The following N4BP2 variants were observed in gnomAD, a reference collection of about 807,000 sequenced individuals.
N4BP2 encodes the protein NEDD4 binding protein 2, also known as NEDD4-binding protein 2.
A neutral mutation model predicts 152.8 loss-of-function variants in N4BP2; 91 were observed. That is an observed-to-expected ratio of 0.60 (90% CI 0.50 to 0.71). The LOEUF (loss-of-function observed/expected upper bound fraction) is 0.71, where lower values mean the gene tolerates loss of function less well. Ranked by LOEUF, N4BP2 falls within the 30% of genes least tolerant of loss-of-function variation. The pLI, the probability that N4BP2 is intolerant of heterozygous loss-of-function variation, is 0.00. For synonymous variants in N4BP2, 646 were observed against 705.3 expected (o/e 0.92, Z 1.33); for missense variants, 1,923 against 2,059.1 (o/e 0.93, Z 1.28).
the N4BP2 span, among the ~76,000 whole-genome samples, chr4:40,179,905 C>G: frequency 6.6e-6 from 1 of 151,864 alleles, no homozygotes; most frequent in South Asian, 2.1e-4. Flanking sequence ...GCTGGAATTA[C>G]AGGCATGCGC....
At chr4:40,065,839 G>A (rs973501379) in intron 1 of N4BP2, among the ~76,000 whole-genome samples, 2 of 151,946 alleles carry the variant, frequency 1.3e-5, no homozygotes, top group Non-Finnish European at 2.9e-5. Flanking sequence ...GTTGACCGGG[G>A]GCATGGATAT....
At chr4:40,123,239 C>T (rs747988836) in intron 10 of N4BP2, 27 bp downstream of exon 10, 25 of 1,466,810 alleles carry the variant, frequency 1.7e-5, no homozygotes, top group South Asian at 4.6e-5. Flanking sequence ...TTATAAAGAG[C>T]TCCTTTTTTG....
chr4:40,134,867 T>C (rs1042418826), intron 13 of N4BP2, among the ~76,000 whole-genome samples: 1 of 151,716 alleles, frequency 6.6e-6, no homozygotes, highest in African/African-American at 2.4e-5. Context: ...CTTTCTTTCT[T>C]TCTCTCTTTC....
At chr4:40,067,770 C>T (rs1455026367) in intron 1 of N4BP2, among the ~76,000 whole-genome samples, 2 of 152,096 alleles carry the variant, frequency 1.3e-5, no homozygotes, top group East Asian at 3.8e-4. Context: ...ATGATGTTGG[C>T]TCACTGTAAC....
chr4:40,094,368 GT>G lies in N4BP2; in HGVS notation c.-114-2857del, dbSNP rs777421299. 4.6e-5 allele frequency among the ~76,000 whole-genome samples: 7 copies of G among 152,166 alleles called. No individual in the cohort carries two copies. In the East Asian group the frequency reaches 1.2e-3, roughly 25 times the overall value. Reference sequence around the variant, plus strand: ...GTTGATTAGATCCTTAATTATTGGTGTTGTTGAGTTCTATATATTTGCTGAT... The same window carrying G: ...GTTGATTAGATCCTTAATTATTGGTGTGTTGAGTTCTATATATTTGCTGAT... On this transcript the variant is annotated intron_variant, in intron 2 of 17. Transcript: ENST00000261435.
Position 40,062,845 on chromosome 4 carries a change from G to A in N4BP2, c.-212+5815G>A, listed in dbSNP as rs188454687. On this transcript the variant is annotated intron_variant, in intron 1 of 17. Coordinates refer to ENST00000261435, the MANE Select transcript of N4BP2 (RefSeq NM_018177.6). ...GTGGTAGCTCTAGGAGAAAGCCCTC[G>A]GATACTTCAAGTCTGAGTTACATGG... Among the ~76,000 whole-genome samples the A allele has an allele frequency of 4.6e-5, 7 of 152,140 alleles. No individual in the cohort carries two copies. The East Asian group carries it at 1.2e-3, about 25-fold the overall frequency.
At chr4:40,161,239 AC>A (rs1327895695), downstream of N4BP2, among the ~76,000 whole-genome samples, 1 of 152,218 alleles carries the variant, frequency 6.6e-6, no homozygotes, top group Non-Finnish European at 1.5e-5. Flanking sequence ...GAGAGAATGC[AC>A]CCTCATCTTG....
At chr4:40,152,679 T>C in intron 16 of N4BP2, 101 bp from the exon 17 acceptor site, 1 of 1,345,098 alleles carries the variant, frequency 7.4e-7, no homozygotes, top group Non-Finnish European at 1.0e-6. Context: ...CCCAAAATCC[T>C]CATGAAAACA....
chr4:40,066,564 C>T (rs1392075442), intron 1 of N4BP2, among the ~76,000 whole-genome samples: 1 of 151,992 alleles, frequency 6.6e-6, no homozygotes, highest in East Asian at 1.9e-4. Context: ...AAGTGATCCA[C>T]CTGCCTTGGC....
the N4BP2 span, among the ~76,000 whole-genome samples, chr4:40,182,714 T>G: frequency 6.6e-6 from 1 of 152,126 alleles, no homozygotes; most frequent in Non-Finnish European, 1.5e-5. Flanking sequence ...TCTTGTTCTG[T>G]TGCCCAGACT....
At chr4:40,179,925 C>T in the N4BP2 span, among the ~76,000 whole-genome samples, 20 of 151,884 alleles carry the variant, frequency 1.3e-4, no homozygotes, top group Middle Eastern at 0.01. Context: ...CCACCACGCC[C>T]GGCTACTTTT....
chr4:40,078,600 A>G (rs1713026872), intron 2 of N4BP2, among the ~76,000 whole-genome samples: 1 of 151,358 alleles, frequency 6.6e-6, no homozygotes, highest in African/African-American at 2.4e-5. Context: ...TTATGGCTCA[A>G]CTGCAGCCTT....
At chr4:40,146,324 G>C (rs1720516358) in intron 16 of N4BP2, among the ~76,000 whole-genome samples, 1 of 151,874 alleles carries the variant, frequency 6.6e-6, no homozygotes, top group Admixed American at 6.6e-5. Flanking sequence ...TACACTGTCA[G>C]TCTTGACCCC....
chr4:40,083,120 C>A, intron 2 of N4BP2: 1 of 150,094 alleles, frequency 6.7e-6, no homozygotes, highest in Non-Finnish European at 1.5e-5. Flanking sequence ...GCGGTGCAGA[C>A]ATAGAAAAAG....
rs549374334 is a variant in N4BP2, at chr4:40,134,526, G to A, written c.4647-2418G>A. ...AGCTTCATCCTGGTAAGAAGGGTAG[G>A]TGAGCTCAGTTACTACAGTATGTGC... On this transcript the variant is annotated intron_variant, in intron 13 of 17. Transcript: ENST00000261435. Among the ~76,000 whole-genome samples, 10 of 152,310 alleles carry A rather than the reference G, an allele frequency of 6.6e-5. No homozygotes were observed. In the South Asian group the frequency reaches 2.1e-3, roughly 32 times the overall value.
At position 40,102,855 on chromosome 4, in the gene N4BP2, A is replaced by T; in HGVS notation, c.1010A>T (p.Lys337Met). 1.2e-6 allele frequency: 2 copies of T among 1,614,174 alleles called. No individual in the cohort carries two copies. Among genetic ancestry groups the T allele is most frequent in the Non-Finnish European group, 1.7e-6 (2 of 1,180,034 alleles). The change falls in exon 4 of 18, where the codon AAG becomes ATG. Residue 337 changes from lysine to methionine, a missense_variant. Lys to Met is a moderately conservative substitution (Grantham distance 95). Transcript: ENST00000261435. ...CACAAACATCCTGAACTGCCAACTAAGGGGAAGGATGTGAGTTACTGCCCG... is the reference window on the plus strand; with the variant it reads ...CACAAACATCCTGAACTGCCAACTATGGGGAAGGATGTGAGTTACTGCCCG... ...KPHKHPELPT[K>M]GKDVSYCPVL... is the part of the protein sequence containing the mutation.
chr4:40,100,615 A>G (rs1028401179), intron 3 of N4BP2, among the ~76,000 whole-genome samples: 2 of 151,950 alleles, frequency 1.3e-5, no homozygotes, highest in African/African-American at 4.8e-5. Flanking sequence ...CAAGCGATCT[A>G]CCTGCCTCAG....
chr4:40,063,593 C>G (rs1273606014), intron 1 of N4BP2, among the ~76,000 whole-genome samples: 2 of 151,988 alleles, frequency 1.3e-5, no homozygotes, highest in Non-Finnish European at 2.9e-5. Flanking sequence ...AGAATATCCA[C>G]TTTAATTCTT....
intron 2 of N4BP2, among the ~76,000 whole-genome samples, chr4:40,091,725 C>G (rs771337196): frequency 1.3e-5 from 2 of 148,466 alleles, no homozygotes; most frequent in Non-Finnish European, 3.0e-5. Flanking sequence ...TTCACCTCAC[C>G]CTGCCCACCA....
Sources: allele counts gnomAD v4.1 joint callset (sites outside exome capture counted in the v4.1 genomes callset), GRCh38; gene constraint gnomAD v4.1.1; transcripts MANE v1.5; gene names NCBI Gene and HGNC (gene_info 2026-07-23, HGNC 2026-07-21).